Variants in AMMECR1 observed in about 807,000 individuals in gnomAD.
The protein encoded by AMMECR1 is AMMECR nuclear protein 1, also known as nuclear protein AMMECR1.
AMMECR1 carries 3 observed loss-of-function variants against 22.5 expected under a neutral mutation model. That is an observed-to-expected ratio of 0.13 (90% CI 0.06 to 0.35). AMMECR1 has a LOEUF of 0.35. Among genes scored for constraint, AMMECR1 ranks in the 10% least tolerant of loss-of-function variants. AMMECR1 has a pLI of 1.00. For synonymous variants in AMMECR1, 130 were observed against 116.7 expected (o/e 1.11, Z -0.74); for missense variants, 235 against 278.7 (o/e 0.84, Z 1.12).
intron 2 of AMMECR1, among the ~76,000 whole-genome samples, chrX:110,379,696 G>A (rs964219005): frequency 8.9e-6 from 1 of 112,079 alleles, no homozygotes. Context: ...GAAGGATGAG[G>A]AAAGCAATGG....
intron 1 of AMMECR1, among the ~76,000 whole-genome samples, chrX:110,269,493 A>T (rs1450322463): frequency 9.3e-6 from 1 of 106,985 alleles, no homozygotes; most frequent in Non-Finnish European, 1.9e-5. Context: ...TATAATAATT[A>T]ATAGAATAGG....
At chrX:110,322,845 G>A (rs774402751), upstream of AMMECR1, among the ~76,000 whole-genome samples, 4 of 111,610 alleles carry the variant, frequency 3.6e-5, no homozygotes, top group South Asian at 1.5e-3. Context: ...AAGCTCAGTC[G>A]TCTCTCATTA....
chrX:110,432,942 G>A (rs2068808759), intron 1 of AMMECR1, among the ~76,000 whole-genome samples: 1 of 112,720 alleles, frequency 8.9e-6, no homozygotes, highest in Admixed American at 9.3e-5. Context: ...TCAGGGAGGT[G>A]GAGAGATTTG....
At chrX:110,377,370 T>G (rs1434935865) in intron 2 of AMMECR1, among the ~76,000 whole-genome samples, 1 of 111,940 alleles carries the variant, frequency 8.9e-6, no homozygotes, top group Non-Finnish European at 1.9e-5. Context: ...CACCGATACC[T>G]ACAGTCTTCC....
chrX:110,302,021 C>T (rs2067969528), intron 1 of AMMECR1, among the ~76,000 whole-genome samples: 1 of 111,942 alleles, frequency 8.9e-6, no homozygotes, highest in South Asian at 3.7e-4. Flanking sequence ...CTGTGCCATA[C>T]TTCACTGAAA....
intron 2 of AMMECR1, among the ~76,000 whole-genome samples, chrX:110,323,412 T>G (rs1032444438): frequency 8.9e-6 from 1 of 112,227 alleles, no homozygotes; most frequent in Non-Finnish European, 1.9e-5. Flanking sequence ...CATTCCTTCC[T>G]ATTCCTCTTC....
At chrX:110,300,811 C>T (rs908624302) in intron 1 of AMMECR1, among the ~76,000 whole-genome samples, 3 of 112,094 alleles carry the variant, frequency 2.7e-5, no homozygotes, top group Non-Finnish European at 5.6e-5. Flanking sequence ...CTCTAGCACA[C>T]CACCACATAG....
chrX:110,321,957 A>G (rs1483273791), upstream of AMMECR1, among the ~76,000 whole-genome samples: 1 of 112,373 alleles, frequency 8.9e-6, no homozygotes, highest in Non-Finnish European at 1.9e-5. Context: ...AAATACTGAA[A>G]TTCTTTACCT....
chrX:110,399,997 C>T (rs1430044958), intron 2 of AMMECR1, among the ~76,000 whole-genome samples: 1 of 110,789 alleles, frequency 9.0e-6, no homozygotes, highest in East Asian at 2.8e-4. Context: ...TTCAATTCAA[C>T]CGACTTCATT....
chrX:110,202,131 A>G (rs1308443359), intron 4 of AMMECR1, among the ~76,000 whole-genome samples: 2 of 112,394 alleles, frequency 1.8e-5, no homozygotes, highest in African/African-American at 6.4e-5. Context: ...TTATGCCACA[A>G]TGGAATATGG....
At chrX:110,344,063 T>C (rs773776131) in intron 2 of AMMECR1, among the ~76,000 whole-genome samples, 1 of 111,909 alleles carries the variant, frequency 8.9e-6, no homozygotes, top group South Asian at 3.8e-4. Flanking sequence ...AGAACAAAGC[T>C]GGAGGCATCA....
At chrX:110,269,354 A>T (rs933516988) in intron 1 of AMMECR1, among the ~76,000 whole-genome samples, 2 of 111,947 alleles carry the variant, frequency 1.8e-5, no homozygotes, top group Non-Finnish European at 3.8e-5. Flanking sequence ...TATCAAGGCA[A>T]AACAGAGGTT....
chrX:110,336,930 T>C (rs2068144011), intron 2 of AMMECR1, among the ~76,000 whole-genome samples: 1 of 111,452 alleles, frequency 9.0e-6, no homozygotes, highest in African/African-American at 3.3e-5. Context: ...TTCTTGGATA[T>C]GTCAAAAATC....
intron 2 of AMMECR1, among the ~76,000 whole-genome samples, chrX:110,411,273 G>C (rs978292628): frequency 1.8e-5 from 2 of 111,803 alleles, no homozygotes; most frequent in Non-Finnish European, 3.8e-5. Flanking sequence ...TCAAGATCTG[G>C]GAAGAGTTTG....
intron 2 of AMMECR1, 48 bp downstream of exon 2, chrX:110,264,441 G>GTTTT: frequency 1.6e-6 from 1 of 614,980 alleles, no homozygotes; most frequent in African/African-American, 2.4e-5. Flanking sequence ...AGTTTCATAA[G>GTTTT]TTTTTTTTTT....
At chrX:110,270,792 C>T (rs1311558470) in intron 1 of AMMECR1, among the ~76,000 whole-genome samples, 1 of 112,174 alleles carries the variant, frequency 8.9e-6, no homozygotes, top group Non-Finnish European at 1.9e-5. Flanking sequence ...TTTCTGATCT[C>T]CCTCAGCCTT....
At chrX:110,282,815 G>T (rs1208115678) in intron 1 of AMMECR1, among the ~76,000 whole-genome samples, 1 of 111,479 alleles carries the variant, frequency 9.0e-6, no homozygotes, top group African/African-American at 3.3e-5. Context: ...TTAACATTCA[G>T]TGAGAGCATA....
chrX:110,312,672 G>GTCACTGAT (rs748002901), intron 1 of AMMECR1, among the ~76,000 whole-genome samples: 1 of 111,927 alleles, frequency 8.9e-6, no homozygotes, highest in East Asian at 2.8e-4. Flanking sequence ...TTCTAGCTCA[G>GTCACTGAT]TCACTGATGG....
At position 110,331,472 on chromosome X, in the gene AMMECR1, C is replaced by T. The variant is rs146780049; in HGVS notation, c.-147-13623G>A. Among the ~76,000 whole-genome samples, 1,053 of 110,056 alleles carry T rather than the reference C, an allele frequency of 9.6e-3. 5 individuals are homozygous for T. The highest frequency in any genetic ancestry group is 0.015 in the Non-Finnish European group (766 of 52,771). On this transcript the variant is annotated intron_variant, in intron 2 of 7. Coordinates refer to the AMMECR1 transcript ENST00000372057. ...AATGGCCTCTCTATCTACCTGATTACCCAGCCCTGGGAGTCATCTTTAACT... is the reference window on the plus strand; with the variant it reads ...AATGGCCTCTCTATCTACCTGATTATCCAGCCCTGGGAGTCATCTTTAACT...
Sources: allele counts gnomAD v4.1 joint callset (sites outside exome capture counted in the v4.1 genomes callset), GRCh38; gene constraint gnomAD v4.1.1; transcripts MANE v1.5; gene names NCBI Gene and HGNC (gene_info 2026-07-23, HGNC 2026-07-21).